The following CAPN9 variants were observed in gnomAD, a reference collection of about 807,000 sequenced individuals.
CAPN9 encodes calpain-9.
A neutral mutation model predicts 92.8 loss-of-function variants in CAPN9; 81 were observed. The ratio of observed to expected loss-of-function variants is 0.87; its 90% CI spans 0.73 to 1.05. The LOEUF (loss-of-function observed/expected upper bound fraction) is 1.05. CAPN9 is among the 50% of genes least tolerant of loss of function. The pLI is 0.00. For synonymous variants in CAPN9, 304 were observed against 328.0 expected (o/e 0.93, Z 0.79); for missense variants, 848 against 866.2 (o/e 0.98, Z 0.26).
chr1:230,774,600 T>G lies in CAPN9; in HGVS notation c.922T>G (p.Cys308Gly). ...TGGTCCAGCTGAGCAGAAGCGTCTGTGTCACACTGCTCTGGATGATGGGGA... is the reference window on the plus strand; with the variant it reads ...TGGTCCAGCTGAGCAGAAGCGTCTGGGTCACACTGCTCTGGATGATGGGGA... ...SVGPAEQKRL[C>G]HTALDDGEFW... The change falls in exon 8 of 20, where the codon TGT (cysteine) becomes GGT (glycine). Residue 308 changes from cysteine to glycine, a missense_variant. Physicochemically the swap from Cys to Gly is radical, Grantham distance 159. Transcript: ENST00000271971. 1 of 1,614,074 alleles carries G rather than the reference T, an allele frequency of 6.2e-7. No individual in the cohort carries two copies.
At chr1:230,773,717 C>T (rs957603186) in intron 7 of CAPN9, among the ~76,000 whole-genome samples, 2 of 152,172 alleles carry the variant, frequency 1.3e-5, no homozygotes, top group African/African-American at 4.8e-5. Flanking sequence ...GCCAGTTCCA[C>T]TCTTCTGACC....
chr1:230,789,246 A>G (rs200449575), intron 13 of CAPN9, among the ~76,000 whole-genome samples: 6 of 119,992 alleles, frequency 5.0e-5, no homozygotes, highest in East Asian at 4.5e-4. Context: ...GCATCCTGGG[A>G]AAAAAAACAC....
At chr1:230,782,032 A>G (rs1667260773) in intron 11 of CAPN9, among the ~76,000 whole-genome samples, 3 of 152,206 alleles carry the variant, frequency 2.0e-5, no homozygotes, top group Admixed American at 1.3e-4. Flanking sequence ...AGTACCCTGT[A>G]TGAGATCCAT....
chr1:230,787,613 C>T lies in CAPN9; in HGVS notation c.1599+11C>T, dbSNP rs1427284113. The T allele has an allele frequency of 2.5e-6, 4 of 1,609,768 alleles. No homozygotes were observed. The highest frequency in any genetic ancestry group is 2.2e-5 in the East Asian group (1 of 44,878). On this transcript the variant is annotated intron_variant, in intron 13 of 19. Transcript: ENST00000271971. The stretch of plus-strand genomic sequence containing the variant: ...CAAGTCGCTGGTGAGGTAGGACATG[C>T]CCCACTTCCATCTCCCCACCAGGCT...
Position 230,800,296 on chromosome 1 carries a change from AAG to A in CAPN9, c.2047-1272_2047-1271del, listed in dbSNP as rs1370419363. 6.7e-4 allele frequency among the ~76,000 whole-genome samples: 63 copies of A among 94,416 alleles called. 1 individual carries two copies. Among genetic ancestry groups the A allele is most frequent in the African/African-American group, 2.5e-3 (63 of 25,044 alleles). The allele number at this position is 94,416 out of a possible 152,430, so 61.9% of individuals were successfully genotyped here. On this transcript the variant is annotated intron_variant, in intron 19 of 19. Transcript: ENST00000271971. ...AAAGAAAGAAAGAAAGAAAGAAAGAAAGAAAGAAAGGAAAAACAAGAGAGACC... is the reference window on the plus strand; with the variant it reads ...AAAGAAAGAAAGAAAGAAAGAAAGAAAAAGAAAGGAAAAACAAGAGAGACC...
intron 4 of CAPN9, among the ~76,000 whole-genome samples, chr1:230,764,545 A>C (rs1665846151): frequency 6.6e-6 from 1 of 152,260 alleles, no homozygotes; most frequent in Admixed American, 6.5e-5. Flanking sequence ...CGTATGAAAT[A>C]ACCTCATTGA....
At chr1:230,794,414 G>A (rs1668202271) in intron 17 of CAPN9, among the ~76,000 whole-genome samples, 1 of 152,108 alleles carries the variant, frequency 6.6e-6, no homozygotes, top group Non-Finnish European at 1.5e-5. Flanking sequence ...TCAGAAGGCA[G>A]AAGTTGCACT....
intron 4 of CAPN9, among the ~76,000 whole-genome samples, chr1:230,763,805 C>A (rs1200376125): frequency 6.6e-6 from 1 of 152,180 alleles, no homozygotes; most frequent in Admixed American, 6.5e-5. Flanking sequence ...CAAATAAGAA[C>A]CAAAGATGCC....
intron 8 of CAPN9, among the ~76,000 whole-genome samples, chr1:230,777,715 G>A (rs1211466627): frequency 2.0e-5 from 3 of 151,744 alleles, no homozygotes; most frequent in East Asian, 2.0e-4. Flanking sequence ...GGACGCCACC[G>A]ACTCTCACTT....
chr1:230,765,584 A>T (rs1665936999), intron 4 of CAPN9, among the ~76,000 whole-genome samples: 1 of 152,140 alleles, frequency 6.6e-6, no homozygotes, highest in Non-Finnish European at 1.5e-5. Flanking sequence ...ACTTGAACCC[A>T]GGAGGTAGAG....
At chr1:230,774,031 C>T (rs1666569977) in intron 7 of CAPN9, among the ~76,000 whole-genome samples, 1 of 152,208 alleles carries the variant, frequency 6.6e-6, no homozygotes, top group Admixed American at 6.5e-5. Context: ...ACGGGCACAC[C>T]TAGCTCACAG....
At position 230,752,768 on chromosome 1, in the gene CAPN9, G is replaced by A. The variant is rs939587231; in HGVS notation, c.214-2569G>A. 14 of 922,984 alleles carry A rather than the reference G, an allele frequency of 1.5e-5. No individual in the cohort carries two copies. The African/African-American group carries it at 2.3e-4, about 15-fold the overall frequency. 57.2% of individuals were successfully genotyped at this position (922,984 alleles called of 1,614,324 possible). On this transcript the variant is annotated intron_variant, in intron 1 of 19. Transcript: ENST00000271971. ...CATTGCTTGCCAGGGCTATCCCCTG[G>A]CAGGGGCTGGGCAATCAAGACAGGG... is the stretch of plus-strand genomic sequence containing the variant.
Position 230,795,225 on chromosome 1 carries a change from C to G in CAPN9, c.1933C>G (p.Gln645Glu). The part of the protein sequence containing the change: ...IVLRYADEEL[Q>E]LDFDDFLNCL... ...GCTCAGGTATGCGGATGAGGAGCTC[C>G]AGCTGGACTTCGATGACTTCCTCAA... Residue 645 changes from glutamine to glutamate, a missense_variant, in exon 18 of 20, where the codon CAG becomes GAG. Coordinates refer to ENST00000271971, the MANE Select transcript of CAPN9 (RefSeq NM_006615.3). The G allele has an allele frequency of 6.2e-7, 1 of 1,613,690 alleles. No homozygotes were observed. Among genetic ancestry groups the G allele is most frequent in the Non-Finnish European group, 8.5e-7 (1 of 1,179,812 alleles).
intron 17 of CAPN9, among the ~76,000 whole-genome samples, chr1:230,793,781 A>C (rs1199554946): frequency 6.6e-6 from 1 of 152,224 alleles, no homozygotes; most frequent in African/African-American, 2.4e-5. Context: ...ATGATTTATA[A>C]ATGAGCAAAG....
chr1:230,781,856 G>C (rs546919223), intron 11 of CAPN9, among the ~76,000 whole-genome samples: 1 of 152,358 alleles, frequency 6.6e-6, no homozygotes, highest in East Asian at 1.9e-4. Flanking sequence ...ATGAAGTCTA[G>C]TGGGGTTTCC....
chr1:230,756,557 A>G (rs993856471), intron 2 of CAPN9, among the ~76,000 whole-genome samples: 1 of 152,220 alleles, frequency 6.6e-6, no homozygotes, highest in Non-Finnish European at 1.5e-5. Context: ...AGACGGAATT[A>G]CAGTTGACCC....
intron 18 of CAPN9, among the ~76,000 whole-genome samples, chr1:230,797,082 G>T (rs757625196): frequency 6.2e-4 from 95 of 152,132 alleles, no homozygotes; most frequent in Admixed American, 1.3e-3. Context: ...ACAATCTCCA[G>T]GGGTGCCTAA....
At chr1:230,750,376 C>G (rs890045368) in intron 1 of CAPN9, among the ~76,000 whole-genome samples, 9 of 152,238 alleles carry the variant, frequency 5.9e-5, no homozygotes, top group Non-Finnish European at 1.2e-4. Flanking sequence ...TTGTCTGCAA[C>G]TGAAGATTGT....
intron 11 of CAPN9, 28 bp downstream of exon 11, chr1:230,780,736 C>T (rs901268547): frequency 1.3e-6 from 2 of 1,586,972 alleles, no homozygotes; most frequent in African/African-American, 2.7e-5. Flanking sequence ...CTTCCAGAAT[C>T]CCACTTCTTT....
Sources: allele counts gnomAD v4.1 joint callset (sites outside exome capture counted in the v4.1 genomes callset), GRCh38; gene constraint gnomAD v4.1.1; transcripts MANE v1.5; gene names NCBI Gene and HGNC (gene_info 2026-07-23, HGNC 2026-07-21).